Variants in IDI2 observed in about 807,000 individuals in gnomAD.
IDI2 encodes the protein isopentenyl-diphosphate delta-isomerase 2.
Under a neutral mutation model 14.8 loss-of-function variants are expected in IDI2, and 18 were observed. The observed-to-expected ratio is 1.22, with a 90% CI of 0.84 to 1.80. IDI2 has a LOEUF of 1.80. Ranked by LOEUF, IDI2 falls within the 40% of genes most tolerant of loss-of-function variation. IDI2 has a pLI of 0.00. For missense variants in IDI2, 316 were observed against 283.2 expected (o/e 1.12, Z -0.83); for synonymous variants, 133 against 109.6 (o/e 1.21, Z -1.33).
At chr10:1,023,985 TA>T (rs1272484779) in intron 2 of IDI2, among the ~76,000 whole-genome samples, 1 of 152,020 alleles carries the variant, frequency 6.6e-6, no homozygotes, top group African/African-American at 2.4e-5. Flanking sequence ...AAATGAAAAT[TA>T]AAAAATAATA....
At chr10:1,023,468 T>C (rs1226909465) in intron 2 of IDI2, among the ~76,000 whole-genome samples, 3 of 146,056 alleles carry the variant, frequency 2.1e-5, no homozygotes, top group African/African-American at 2.6e-5. Flanking sequence ...GGAGCAAGAC[T>C]CTGTCTCAAA....
In IDI2 at chr10:1,020,838, TTTC is replaced by T. The variant is rs769997732; in HGVS notation, c.292_294del (p.Glu98del). The T allele has an allele frequency of 6.2e-7, 1 of 1,614,032 alleles. No homozygotes were observed. The highest frequency in any genetic ancestry group is 1.7e-5 in the Admixed American group (1 of 60,004). On this transcript the variant is annotated inframe_deletion, in exon 4 of 5. Coordinates refer to ENST00000277517, the MANE Select transcript of IDI2 (RefSeq NM_033261.3). ...GCCCTCCTCACTCCGATGGCATCCT[TTTC>T]TTCCAGTTCTGCTGGGTTGTATAAT... is the stretch of plus-strand genomic sequence containing the variant.
At position 1,020,884 on chromosome 10, in the gene IDI2, G is replaced by A. The variant is rs749088615; in HGVS notation, c.249C>T (p.Asp83=). 8 of 1,612,898 alleles carry A rather than the reference G, an allele frequency of 5.0e-6. No homozygotes were observed. In the South Asian group the frequency reaches 7.7e-5, roughly 16 times the overall value. Residue 83 remains aspartate, a synonymous_variant, in exon 4 of 5, where the codon GAC becomes GAT. Transcript: ENST00000277517. ...TKVTFPGYFT[D]SCSSHPLYNP... is the part of the protein sequence containing the mutation. ...TGTATAATGGGTGGCTACTACAGGA[G>A]TCGGTAAAATACCCTGGAAAAAATG...
At chr10:1,020,714 C>T (rs543529750) in intron 4 of IDI2, 53 bp downstream of exon 4, 75 of 1,535,650 alleles carry the variant, frequency 4.9e-5, no homozygotes, top group Middle Eastern at 2.4e-4. Context: ...ACCGTCTGCC[C>T]GCTGCCAACC....
chr10:1,019,465 C>T lies in IDI2; in HGVS notation c.*52G>A, dbSNP rs918944091. The T allele has an allele frequency of 5.6e-6, 8 of 1,437,628 alleles. No homozygotes were observed. Among genetic ancestry groups the T allele is most frequent in the South Asian group, 3.9e-5 (3 of 76,320 alleles). The allele number at this position is 1,437,628 out of a possible 1,614,324, so 89.1% of individuals were successfully genotyped here. ...AGGGTGTATCATTGCCTCAATGGTG[C>T]GTCTGCCTGCACTGAGGGCATTACA... On this transcript the variant is annotated 3_prime_UTR_variant, in exon 5 of 5. Coordinates refer to ENST00000277517, the MANE Select transcript of IDI2 (RefSeq NM_033261.3).
intron 3 of IDI2, 100 bp from the exon 4 acceptor site, chr10:1,020,997 A>G: frequency 1.5e-6 from 2 of 1,303,454 alleles, no homozygotes; most frequent in Non-Finnish European, 2.1e-6. Flanking sequence ...ATCCGTCATC[A>G]GCAGAAGACA....
chr10:1,024,525 G>T lies in IDI2; in HGVS notation c.142+57C>A, dbSNP rs539561857. On this transcript the variant is annotated intron_variant, in intron 2 of 4. Coordinates refer to ENST00000277517, the MANE Select transcript of IDI2 (RefSeq NM_033261.3). ...TAGACTCTCTTCTTAGGTTGCCGTC[G>T]GGTGGGAAAAATGGGAAAACCCTGG... 4.4e-6 allele frequency: 7 copies of T among 1,591,998 alleles called. No individual in the cohort carries two copies. The African/African-American group carries it at 9.5e-5, about 22-fold the overall frequency.
intron 4 of IDI2, 66 bp downstream of exon 4, chr10:1,020,695 ACTTTGT>A: frequency 7.8e-7 from 1 of 1,283,194 alleles, no homozygotes; most frequent in Non-Finnish European, 1.0e-6. Context: ...TCCAGCCTGG[ACTTTGT>A]TCACCGTCTG....
Position 1,019,764 on chromosome 10 carries a change from T to C in IDI2, c.437A>G (p.Glu146Gly), listed in dbSNP as rs41294972. The change falls in exon 5 of 5, where the codon GAG becomes GGG. Residue 146 changes from glutamate (E) to glycine (G), a missense_variant. Physicochemically the swap from Glu to Gly is moderately conservative, Grantham distance 98. Coordinates refer to ENST00000277517, the MANE Select transcript of IDI2 (RefSeq NM_033261.3). ...AAGCAGAAGGTAACAAATTTCATGCTCTCCCCAAATTCTGTCTGATTTTGC... is the reference window on the plus strand; with the variant it reads ...AAGCAGAAGGTAACAAATTTCATGCCCTCCCCAAATTCTGTCTGATTTTGC... Reference protein sequence around the residue: ...HKAKSDRIWGEHEICYLLLVR... With the variant: ...HKAKSDRIWGGHEICYLLLVR... 1 of 1,613,946 alleles carries C rather than the reference T, an allele frequency of 6.2e-7. No homozygotes were observed. The highest frequency in any genetic ancestry group is 8.5e-7 in the Non-Finnish European group (1 of 1,179,980).
chr10:1,019,857 T>A, intron 4 of IDI2, 23 bp from the exon 5 acceptor site: 3 of 1,518,306 alleles, frequency 2.0e-6, no homozygotes, highest in Non-Finnish European at 2.7e-6. Flanking sequence ...ATTGGTGCAG[T>A]GTTAACAACG....
chr10:1,021,037 G>A (rs552972385), intron 3 of IDI2, 140 bp from the exon 4 acceptor site: 2 of 894,240 alleles, frequency 2.2e-6, no homozygotes, highest in South Asian at 3.5e-5. Context: ...TTTGTCATGG[G>A]CTCTCAGAGC....
chr10:1,024,859 A>G (rs557876093), intron 1 of IDI2, 115 bp from the exon 2 acceptor site: 2 of 926,996 alleles, frequency 2.2e-6, no homozygotes, highest in East Asian at 2.4e-5. Flanking sequence ...AAGTGACAGC[A>G]ATTGTGTTGA....
intron 4 of IDI2, 54 bp downstream of exon 4, chr10:1,020,713 C>CATTAAAAAAT: frequency 6.5e-7 from 1 of 1,534,290 alleles, no homozygotes; most frequent in East Asian, 2.3e-5. Context: ...CACCGTCTGC[C>CATTAAAAAAT]CGCTGCCAAC....
In IDI2 at chr10:1,019,798, G is replaced by A; in HGVS notation, c.403C>T (p.His135Tyr). 1 of 1,614,030 alleles carries A rather than the reference G, an allele frequency of 6.2e-7. No homozygotes were observed. Among genetic ancestry groups the A allele is most frequent in the South Asian group, 1.1e-5 (1 of 91,064 alleles). ...PEDIVFMTIY[H>Y]HKAKSDRIWG... is the part of the protein sequence containing the mutation. ...ATTCTGTCTGATTTTGCCTTGTGGT[G>A]ATAGATTGTCATGAACACAATGTCC... Residue 135 changes from histidine (H) to tyrosine (Y), a missense_variant, in exon 5 of 5, where the codon CAC becomes TAC. His to Tyr is a moderately conservative substitution (Grantham distance 83, BLOSUM62 2). Coordinates refer to ENST00000277517, the MANE Select transcript of IDI2 (RefSeq NM_033261.3).
Position 1,022,714 on chromosome 10 carries a change from C to A in IDI2, c.204G>T (p.Gln68His). The A allele has an allele frequency of 6.2e-7, 1 of 1,614,100 alleles. No homozygotes were observed. The highest frequency in any genetic ancestry group is 1.1e-5 in the South Asian group (1 of 91,088). The change falls in exon 3 of 5, where the codon CAG becomes CAT. Residue 68 changes from glutamine to histidine, a missense_variant. Gln to His is a conservative substitution (Grantham distance 24). Coordinates refer to ENST00000277517, the MANE Select transcript of IDI2 (RefSeq NM_033261.3). ...LFNTKNRILI[Q>H]QRSDTKVTFP... ...ACGTGACTTTCGTGTCCGACCTCTGCTGTATCAGGATTCGATTCTTGGTGT... is the reference window on the plus strand; with the variant it reads ...ACGTGACTTTCGTGTCCGACCTCTGATGTATCAGGATTCGATTCTTGGTGT...
intron 3 of IDI2, 151 bp from the exon 4 acceptor site, chr10:1,021,048 A>C (rs1303838200): frequency 1.2e-6 from 1 of 809,366 alleles, no homozygotes; most frequent in East Asian, 2.7e-5. Context: ...CTCTCAGAGC[A>C]GCACTCGCCT....
chr10:1,023,286 T>A (rs892665049), intron 2 of IDI2, among the ~76,000 whole-genome samples: 2 of 152,126 alleles, frequency 1.3e-5, no homozygotes, highest in Admixed American at 1.3e-4. Context: ...CCACCCTGGC[T>A]AACATGGTGA....
At chr10:1,021,321 T>C (rs1307719875) in intron 3 of IDI2, among the ~76,000 whole-genome samples, 5 of 152,186 alleles carry the variant, frequency 3.3e-5, no homozygotes, top group Non-Finnish European at 5.9e-5. Context: ...TGGGCTGCAC[T>C]TTGAGGGTGG....
intron 3 of IDI2, among the ~76,000 whole-genome samples, chr10:1,021,410 T>C (rs1832097911): frequency 6.6e-6 from 1 of 152,188 alleles, no homozygotes; most frequent in Non-Finnish European, 1.5e-5. Context: ...TTCTACTTAA[T>C]TTACCCAAGT....
Sources: allele counts gnomAD v4.1 joint callset (sites outside exome capture counted in the v4.1 genomes callset), GRCh38; gene constraint gnomAD v4.1.1; transcripts MANE v1.5; gene names NCBI Gene and HGNC (gene_info 2026-07-23, HGNC 2026-07-21).